The following ZNF469 variants were observed in gnomAD, a reference collection of about 807,000 sequenced individuals.
The protein encoded by ZNF469 is zinc finger protein 469.
In ZNF469, 1 loss-of-function variant was observed where a neutral mutation model predicts 1.0. That is an observed-to-expected ratio of 1.00 (90% CI 0.35 to 4.73). The LOEUF is 4.73. Among genes scored for constraint, ZNF469 ranks in the 30% most tolerant of loss-of-function variants. The pLI is 0.16. For synonymous variants in ZNF469, 2,703 were observed against 2,363.4 expected (o/e 1.14, Z -4.17); for missense variants, 6,100 against 5,356.3 (o/e 1.14, Z -4.33).
intron 2 of ZNF469, among the ~76,000 whole-genome samples, chr16:88,426,700 G>A (rs1249339127): frequency 6.6e-6 from 1 of 152,196 alleles, no homozygotes; most frequent in African/African-American, 2.4e-5. Flanking sequence ...AGGCCTGGTG[G>A]CAGGGAGACC....
Position 88,436,700 on chromosome 16 carries a change from A to C in ZNF469, c.9230A>C (p.Asp3077Ala). Residue 3077 changes from aspartate to alanine, a missense_variant, in exon 3 of 3, where the codon GAC (aspartate) becomes GCC (alanine). Transcript: ENST00000565624. ...PVGLPGPSFL[D>A]FEGTASSQGP... ...GGTCTCCCCGGCCCCAGCTTCTTAG[A>C]CTTCGAGGGCACGGCGAGCTCACAG... 6.5e-7 allele frequency: 1 copy of C among 1,549,880 alleles called. No individual in the cohort carries two copies. The highest frequency in any genetic ancestry group is 1.4e-5 in the African/African-American group (1 of 73,142).
chr16:88,153,519 C>T, the ZNF469 span, among the ~76,000 whole-genome samples: 4 of 152,322 alleles, frequency 2.6e-5, no homozygotes, highest in Non-Finnish European at 5.9e-5. Flanking sequence ...TGCACCTGCC[C>T]GTCACAGGGT....
At chr16:88,228,507 G>A in the ZNF469 span, among the ~76,000 whole-genome samples, 2,145 of 152,352 alleles carry the variant, frequency 0.014, 29 homozygotes, top group Non-Finnish European at 0.022. Context: ...TCTACTCTCA[G>A]ACAAGCTGAT....
At chr16:88,269,936 G>A in the ZNF469 span, among the ~76,000 whole-genome samples, 41,585 of 151,658 alleles carry the variant, frequency 0.27, 6,796 homozygotes, top group Non-Finnish European at 0.36. Context: ...TCTCCATGGA[G>A]CCCCGGCTCC....
chr16:88,118,663 CGGCTTCCTTAGCAGA>C, the ZNF469 span, among the ~76,000 whole-genome samples: 2 of 152,232 alleles, frequency 1.3e-5, no homozygotes, highest in Non-Finnish European at 2.9e-5. Context: ...CCCGACTCTA[CGGCTTCCTTAGCAGA>C]GGGGCCCTGT....
At chr16:88,374,959 C>T in the ZNF469 span, among the ~76,000 whole-genome samples, 33 of 152,324 alleles carry the variant, frequency 2.2e-4, no homozygotes, top group South Asian at 1.0e-3. Flanking sequence ...GTGGAATCTA[C>T]GCACAAGGCT....
chr16:88,180,656 C>A, the ZNF469 span, among the ~76,000 whole-genome samples: 1 of 152,098 alleles, frequency 6.6e-6, no homozygotes, highest in Non-Finnish European at 1.5e-5. Context: ...TGTCTGTAAT[C>A]CCAGCTACTC....
In ZNF469 at chr16:88,435,439, T is replaced by G. The variant is rs766329089; in HGVS notation, c.7969T>G (p.Ser2657Ala). ...TCTTCCAGTCTCTGCTGATGTGATT[T>G]CAGATGGGCGCGGCTCCAGACCATC... ...SILPVSADVI[S>A]DGRGSRPSPA... Residue 2657 changes from serine (S) to alanine (A), a missense_variant, in exon 3 of 3, where the codon TCA becomes GCA. Physicochemically the swap from Ser to Ala is moderately conservative, Grantham distance 99 (BLOSUM62 1). Coordinates refer to ENST00000565624, the MANE Select transcript of ZNF469 (RefSeq NM_001367624.2). The G allele has an allele frequency of 6.5e-7, 1 of 1,549,940 alleles. No individual in the cohort carries two copies. The highest frequency in any genetic ancestry group is 8.7e-7 in the Non-Finnish European group (1 of 1,146,976).
chr16:88,270,083 T>C, the ZNF469 span, among the ~76,000 whole-genome samples: 35 of 152,268 alleles, frequency 2.3e-4, 1 homozygote, highest in Middle Eastern at 6.8e-3. Context: ...CATTCGTTAG[T>C]AGCTTTTTTT....
the ZNF469 span, among the ~76,000 whole-genome samples, chr16:88,213,431 A>G: frequency 2.8e-3 from 429 of 152,260 alleles, 2 homozygotes; most frequent in African/African-American, 9.9e-3. Flanking sequence ...TTTTTTATAG[A>G]AGAAGACTTC....
the ZNF469 span, among the ~76,000 whole-genome samples, chr16:88,229,575 G>GTACTGATGCCA: frequency 2.7e-5 from 3 of 112,446 alleles, no homozygotes; most frequent in Non-Finnish European, 6.4e-5. Context: ...TCACGCTTGT[G>GTACTGATGCCA]CGCTGATGTC....
chr16:88,412,896 C>T (rs1468184252), intron 1 of ZNF469, among the ~76,000 whole-genome samples: 3 of 152,192 alleles, frequency 2.0e-5, no homozygotes, highest in Non-Finnish European at 4.4e-5. Context: ...AGAAAGTCTG[C>T]CACTGTGCTC....
At chr16:88,295,998 G>T in the ZNF469 span, among the ~76,000 whole-genome samples, 4 of 152,176 alleles carry the variant, frequency 2.6e-5, no homozygotes, top group Admixed American at 2.6e-4. Flanking sequence ...CTGGGGCAGC[G>T]CCTGGCTTTG....
Position 88,438,521 on chromosome 16 carries a change from C to T in ZNF469, c.11051C>T (p.Ser3684Leu), listed in dbSNP as rs770468538. The change falls in exon 3 of 3, where the codon TCG (serine) becomes TTG (leucine). Residue 3684 changes from serine to leucine, a missense_variant. Ser to Leu is a moderately radical substitution (Grantham distance 145). Transcript: ENST00000565624. ...TGCCAGAGCTCATCAAAGGACAGGT[C>T]GGCAGCATCCACCCCCAGCAAAGCA... is the stretch of plus-strand genomic sequence containing the variant. ...AGCQSSSKDR[S>L]AASTPSKALK... The T allele has an allele frequency of 2.6e-5, 41 of 1,550,004 alleles. No individual in the cohort carries two copies. The highest frequency in any genetic ancestry group is 1.1e-5 in the Non-Finnish European group (13 of 1,146,968).
At chr16:88,206,321 G>C in the ZNF469 span, among the ~76,000 whole-genome samples, 4 of 152,208 alleles carry the variant, frequency 2.6e-5, no homozygotes, top group African/African-American at 4.8e-5. Flanking sequence ...GGACAGACTG[G>C]AGACCCGAAC....
the ZNF469 span, among the ~76,000 whole-genome samples, chr16:88,162,664 T>C: frequency 8.6e-6 from 1 of 115,764 alleles, no homozygotes; most frequent in Non-Finnish European, 2.2e-5. Context: ...AACAATTCTT[T>C]TTAGTGCCCC....
In ZNF469 at chr16:88,436,546, G is replaced by C. The variant is rs1455430724; in HGVS notation, c.9076G>C (p.Glu3026Gln). ...VSPEPPSLER[E>Q]RCDGGLPGNT... ...CCCCGAGCCCCCCAGCCTGGAGAGA[G>C]AACGCTGTGACGGTGGGCTTCCCGG... is the stretch of plus-strand genomic sequence containing the variant. The change falls in exon 3 of 3, where the codon GAA (glutamate) becomes CAA (glutamine). Residue 3026 changes from glutamate (E) to glutamine (Q), a missense_variant. Physicochemically the swap from Glu to Gln is conservative, Grantham distance 29. Coordinates refer to ENST00000565624, the MANE Select transcript of ZNF469 (RefSeq NM_001367624.2). The C allele has an allele frequency of 3.9e-6, 6 of 1,549,612 alleles. No individual in the cohort carries two copies. The highest frequency in any genetic ancestry group is 5.2e-6 in the Non-Finnish European group (6 of 1,146,930).
the ZNF469 span, among the ~76,000 whole-genome samples, chr16:88,244,388 C>G: frequency 3.0e-4 from 25 of 84,122 alleles, no homozygotes; most frequent in African/African-American, 5.9e-4. Context: ...TGGGTGAATG[C>G]ATGGGTGGAT....
At chr16:88,117,232 G>A in the ZNF469 span, among the ~76,000 whole-genome samples, 1 of 151,436 alleles carries the variant, frequency 6.6e-6, no homozygotes, top group South Asian at 2.1e-4. Flanking sequence ...GGTCGTGTGA[G>A]AGCTGGGGAC....
Sources: gnomAD v4.1 joint callset for allele counts (sites outside exome capture counted in the v4.1 genomes callset) on GRCh38, gnomAD v4.1.1 for gene constraint, MANE v1.5 for transcripts, NCBI Gene and HGNC (gene_info 2026-07-23, HGNC 2026-07-21) for gene names.